Variants in RGL3 observed in about 807,000 individuals in gnomAD.
The protein encoded by RGL3 is ral guanine nucleotide dissociation stimulator-like 3.
RGL3 carries 85 observed loss-of-function variants against 90.6 expected under a neutral mutation model. That is an observed-to-expected ratio of 0.94 (90% confidence interval 0.79 to 1.12). RGL3 has a LOEUF of 1.12. Ranked by LOEUF, RGL3 falls within the 50% of genes most tolerant of loss-of-function variation. The probability of loss-of-function intolerance (pLI) is 0.00; values close to 1 mark genes in which losing one functional copy is unlikely to be tolerated. For missense variants in RGL3, 1,034 were observed against 939.2 expected (o/e 1.10, Z -1.32); for synonymous variants, 408 against 385.5 (o/e 1.06, Z -0.68).
chr19:11,405,125 T>C, intron 9 of RGL3, 22 bp downstream of exon 9: 1 of 1,606,944 alleles, frequency 6.2e-7, no homozygotes, highest in South Asian at 1.1e-5. Flanking sequence ...CTAAAATCCC[T>C]GGAGTCTGCA....
rs758396813 is a variant in RGL3 at position 11,402,678 on chromosome 19, T to C, written c.1214A>G (p.Glu405Gly). 6.2e-7 allele frequency: 1 copy of C among 1,613,866 alleles called. No individual in the cohort carries two copies. The change falls in exon 10 of 19, where the codon GAG becomes GGG. Residue 405 changes from glutamate (E) to glycine (G), a missense_variant. Glu to Gly is a moderately conservative substitution (Grantham distance 98). Transcript: ENST00000380456. ...GGGCAGGCTGCCTGGGGTGTTGTCC[T>C]CTTCTTGGGATCCCTCAGTGGCCTC... ...QEEATEGSQEEDNTPGSLPSK... is the reference protein window; with the variant it reads ...QEEATEGSQEGDNTPGSLPSK...
Position 11,405,177 on chromosome 19 carries a change from G to C in RGL3, c.1155C>G (p.Asn385Lys), listed in dbSNP as rs769876898. 6.2e-7 allele frequency: 1 copy of C among 1,614,022 alleles called. No homozygotes were observed. Among genetic ancestry groups the C allele is most frequent in the Non-Finnish European group, 8.5e-7 (1 of 1,179,892 alleles). The change falls in exon 9 of 19, where the codon AAC (asparagine) becomes AAG (lysine). Residue 385 changes from asparagine to lysine, a missense_variant. Physicochemically the swap from Asn to Lys is moderately conservative, Grantham distance 94 (BLOSUM62 0). Transcript: ENST00000380456. ...KLSQIFSDEN[N>K]HLSSREILFQ... ...AAAGAATCTCTCTGCTGCTGAGGTG[G>C]TTGTTCTCATCGGAGAAAATCTGCG...
At position 11,402,113 on chromosome 19, in the gene RGL3, C is replaced by A; in HGVS notation, c.1382G>T (p.Arg461Leu). 2.5e-6 allele frequency: 4 copies of A among 1,603,148 alleles called. No individual in the cohort carries two copies. Among genetic ancestry groups the A allele is most frequent in the South Asian group, 1.1e-5 (1 of 89,340 alleles). ...ACAGCGCCTCTGCAGCTGCTGGATG[C>A]GGGCCAGGATCTCCCACTCCTGGAG... ...KRRKEWEILARIQQLQRRCQS... is the reference protein window; with the variant it reads ...KRRKEWEILALIQQLQRRCQS... Residue 461 changes from arginine (R) to leucine (L), a missense_variant, in exon 13 of 19, where the codon CGC becomes CTC. Physicochemically the swap from Arg to Leu is moderately radical, Grantham distance 102. Coordinates refer to ENST00000380456, the MANE Select transcript of RGL3 (RefSeq NM_001035223.4).
intron 18 of RGL3, among the ~76,000 whole-genome samples, chr19:11,396,400 C>G (rs1354367198): frequency 6.7e-6 from 1 of 149,958 alleles, no homozygotes; most frequent in East Asian, 2.0e-4. Context: ...GAACTCCTGA[C>G]CTCAAGTGAT....
In RGL3 at chr19:11,418,680, C is replaced by G; in HGVS notation, c.138G>C (p.Gly46=). The G allele has an allele frequency of 6.4e-7, 1 of 1,554,386 alleles. No individual in the cohort carries two copies. The highest frequency in any genetic ancestry group is 8.7e-7 in the Non-Finnish European group (1 of 1,155,086). Residue 46 remains glycine, a synonymous_variant, in exon 2 of 19, where the codon GGG becomes GGC. Coordinates refer to ENST00000380456, the MANE Select transcript of RGL3 (RefSeq NM_001035223.4). ...SQRRSPAEGP[G]GSQAPSPIAN... The stretch of plus-strand genomic sequence containing the variant: ...CAAACCCCCTCCTCACCTGGCTGCC[C>G]CCGGGGCCCTCCGCCGGGCTCCTGC...
intron 5 of RGL3, among the ~76,000 whole-genome samples, chr19:11,414,157 A>ACACC (rs1361847618): frequency 9.9e-6 from 1 of 101,330 alleles, no homozygotes; most frequent in Non-Finnish European, 1.9e-5. Context: ...ATATATATAT[A>ACACC]TATATATATA....
At chr19:11,406,308 A>C (rs1599436024) in intron 7 of RGL3, 111 bp downstream of exon 7, 2 of 1,120,078 alleles carry the variant, frequency 1.8e-6, no homozygotes, top group African/African-American at 1.6e-5. Context: ...TCAACTTTCC[A>C]CCCCGTTCCC....
At chr19:11,409,992 G>A (rs1001535896) in intron 5 of RGL3, among the ~76,000 whole-genome samples, 3 of 151,732 alleles carry the variant, frequency 2.0e-5, no homozygotes, top group Non-Finnish European at 4.4e-5. Context: ...AGGCTGGAGT[G>A]CAGTGGCTCG....
intron 5 of RGL3, among the ~76,000 whole-genome samples, chr19:11,414,174 T>TAC (rs1361797189): frequency 1.5e-4 from 13 of 85,248 alleles, no homozygotes; most frequent in South Asian, 4.0e-4. Flanking sequence ...TATATATATA[T>TAC]ATACACCTAT....
intron 18 of RGL3, among the ~76,000 whole-genome samples, chr19:11,396,126 CTCTCTCTCTCTA>C (rs1156523319): frequency 4.1e-4 from 24 of 58,082 alleles, no homozygotes; most frequent in African/African-American, 1.8e-3. Context: ...CTCTCTCTCT[CTCTCTCTCTCTA>C]TATATATATA....
chr19:11,397,952 T>A (rs1968607197), intron 16 of RGL3, among the ~76,000 whole-genome samples: 1 of 152,038 alleles, frequency 6.6e-6, no homozygotes, highest in Non-Finnish European at 1.5e-5. Flanking sequence ...GAGGTTGCAG[T>A]GAGCCAAGAT....
intron 12 of RGL3, 38 bp from the exon 13 acceptor site, chr19:11,402,170 C>T: frequency 6.5e-7 from 1 of 1,549,602 alleles, no homozygotes; most frequent in Non-Finnish European, 8.9e-7. Flanking sequence ...CCCTGCCCCA[C>T]CCCCACCCTC....
rs896880924 is a variant in RGL3 at position 11,402,211 on chromosome 19, TC to T, written c.1362+3del. The T allele has an allele frequency of 1.3e-6, 2 of 1,507,704 alleles. No homozygotes were observed. The highest frequency in any genetic ancestry group is 1.7e-5 in the Admixed American group (1 of 57,862). The allele number at this position is 1,507,704 out of a possible 1,614,324, so 93.4% of individuals were successfully genotyped here. On this transcript the variant is annotated splice_donor_region_variant and intron_variant, in intron 12 of 18. Transcript: ENST00000380456. ...CCACCACACCCACTGTAGCCTCCAC[TC>T]ACCTTCCTCCTCTTCTCAAAGTTAA...
At chr19:11,411,192 G>A (rs1968868099) in intron 5 of RGL3, 1 of 124,246 alleles carries the variant, frequency 8.0e-6, no homozygotes, top group African/African-American at 3.1e-5. Context: ...CTGGACAACA[G>A]AGTGAGACTC....
In RGL3 at chr19:11,405,784, C is replaced by T. The variant is rs569115228; in HGVS notation, c.997-358G>A. Among the ~76,000 whole-genome samples the T allele has an allele frequency of 4.6e-4, 69 of 151,576 alleles. 2 individuals carry two copies. The South Asian group carries it at 0.014, about 32-fold the overall frequency. On this transcript the variant is annotated intron_variant, in intron 7 of 18. Coordinates refer to ENST00000380456, the MANE Select transcript of RGL3 (RefSeq NM_001035223.4). ...GATCTCGAGTCACTGCAACCTCCGC[C>T]TCCCGGGTTCAAGTGATTATCCTGC...
chr19:11,402,691 C>T lies in RGL3; in HGVS notation c.1201G>A (p.Gly401Arg), dbSNP rs780846515. The change falls in exon 10 of 19, where the codon GGA becomes AGA. Residue 401 changes from glycine (G) to arginine (R), a missense_variant. Gly to Arg is a moderately radical substitution (Grantham distance 125). Transcript: ENST00000380456. ...EILFQEEATE[G>R]SQEEDNTPGS... Reference sequence around the variant, plus strand: ...GGGGTGTTGTCCTCTTCTTGGGATCCCTCAGTGGCCTCCTCCTGAGGGAAG... The same window carrying T: ...GGGGTGTTGTCCTCTTCTTGGGATCTCTCAGTGGCCTCCTCCTGAGGGAAG... 22 of 1,613,446 alleles carry T rather than the reference C, an allele frequency of 1.4e-5. No individual in the cohort carries two copies. The highest frequency in any genetic ancestry group is 1.8e-5 in the Non-Finnish European group (21 of 1,179,866).
chr19:11,399,487 C>A (rs1968633660), intron 16 of RGL3, among the ~76,000 whole-genome samples: 1 of 152,000 alleles, frequency 6.6e-6, no homozygotes, highest in African/African-American at 2.4e-5. Context: ...ATTGCTTGAG[C>A]CTGGGGGAGG....
At chr19:11,400,922 TG>T (rs1968665080) in intron 13 of RGL3, among the ~76,000 whole-genome samples, 1 of 151,814 alleles carries the variant, frequency 6.6e-6, no homozygotes, top group Non-Finnish European at 1.5e-5. Context: ...AGGGTCAGAC[TG>T]GGGTCAGGTC....
Position 11,419,294 on chromosome 19 carries a change from C to G in RGL3, c.-16G>C. ...TGCGCTCCATGGCCGGCGCCCGTCC[C>G]TCTCAGTGGCGCCGCTGAGTGAGGC... On this transcript the variant is annotated 5_prime_UTR_variant, in exon 1 of 19. Transcript: ENST00000380456. 1 of 1,558,776 alleles carries G rather than the reference C, an allele frequency of 6.4e-7. No individual in the cohort carries two copies. The highest frequency in any genetic ancestry group is 1.2e-5 in the South Asian group (1 of 86,014).
Sources: gnomAD v4.1 joint callset for allele counts (sites outside exome capture counted in the v4.1 genomes callset) on GRCh38, gnomAD v4.1.1 for gene constraint, MANE v1.5 for transcripts, NCBI Gene and HGNC (gene_info 2026-07-23, HGNC 2026-07-21) for gene names.